Variants in MYO1D observed in about 807,000 individuals in gnomAD.
MYO1D encodes the protein unconventional myosin-Id.
In MYO1D, 83 loss-of-function variants were observed where a neutral mutation model predicts 122.0. The ratio of observed to expected loss-of-function variants is 0.68; its 90% CI spans 0.57 to 0.82. MYO1D has a LOEUF of 0.82. Among genes scored for constraint, MYO1D ranks in the 40% least tolerant of loss-of-function variants. The probability of loss-of-function intolerance (pLI) is 0.00; values close to 1 mark genes in which losing one functional copy is unlikely to be tolerated. For synonymous variants in MYO1D, 464 were observed against 446.9 expected (o/e 1.04, Z -0.48); for missense variants, 1,157 against 1,269.5 (o/e 0.91, Z 1.35).
rs150948881 is a variant in MYO1D, at chr17:32,818,546, G to T, written c.96-37762C>A. Among the ~76,000 whole-genome samples, 73 of 152,334 alleles carry T rather than the reference G, an allele frequency of 4.8e-4. 1 individual carries two copies. The highest frequency in any genetic ancestry group is 1.7e-3 in the African/African-American group (72 of 41,580). On this transcript the variant is annotated intron_variant, in intron 1 of 21. Transcript: ENST00000318217. ...CCCATTCTTCTTTTCTAGAAGAGCT[G>T]CTGAGAGAGAGACCAATGGGGGAAA... is the stretch of plus-strand genomic sequence containing the variant.
intron 21 of MYO1D, chr17:32,529,176 T>A (rs911704789): frequency 1.3e-4 from 20 of 152,296 alleles, no homozygotes; most frequent in Admixed American, 1.2e-3. Flanking sequence ...ACCCCTCACT[T>A]GGATCTGAAT....
chr17:32,540,229 C>G (rs1910793411), intron 21 of MYO1D, among the ~76,000 whole-genome samples: 1 of 148,068 alleles, frequency 6.8e-6, no homozygotes, highest in Non-Finnish European at 1.5e-5. Context: ...ACTCGGGAGG[C>G]TGAGGCAGGA....
chr17:32,644,774 T>C (rs909285565), intron 19 of MYO1D, among the ~76,000 whole-genome samples: 2 of 152,216 alleles, frequency 1.3e-5, no homozygotes, highest in Non-Finnish European at 2.9e-5. Flanking sequence ...TTGGTAGATC[T>C]TCCTCCATCC....
At chr17:32,653,779 T>TTAAG in intron 19 of MYO1D, 64 bp downstream of exon 19, 1 of 1,392,460 alleles carries the variant, frequency 7.2e-7, no homozygotes, top group Non-Finnish European at 1.0e-6. Context: ...ACAGGCTTGC[T>TTAAG]TAAGTGAGTT....
At chr17:32,560,064 G>A (rs2150889375) in intron 21 of MYO1D, among the ~76,000 whole-genome samples, 1 of 152,274 alleles carries the variant, frequency 6.6e-6, no homozygotes, top group South Asian at 2.1e-4. Context: ...AGACCAGCCT[G>A]ACCAACATGG....
chr17:32,689,071 T>G (rs551155453), intron 16 of MYO1D, among the ~76,000 whole-genome samples: 1 of 152,190 alleles, frequency 6.6e-6, no homozygotes, highest in Non-Finnish European at 1.5e-5. Context: ...TATTATTCTC[T>G]TCTTTAAATT....
At chr17:32,510,893 T>C (rs1249852885) in intron 21 of MYO1D, 1 of 149,894 alleles carries the variant, frequency 6.7e-6, no homozygotes, top group African/African-American at 2.5e-5. Context: ...CCAGGCATAA[T>C]GAAACCTTTC....
intron 1 of MYO1D, among the ~76,000 whole-genome samples, chr17:32,819,713 C>T (rs922497679): frequency 3.3e-5 from 5 of 152,126 alleles, no homozygotes; most frequent in Non-Finnish European, 7.3e-5. Flanking sequence ...CAAATTCCTA[C>T]CAGAATAATA....
Position 32,653,859 on chromosome 17 carries a change from G to C in MYO1D, c.2579C>G (p.Ser860Cys). The C allele has an allele frequency of 6.2e-7, 1 of 1,613,646 alleles. No individual in the cohort carries two copies. Among genetic ancestry groups the C allele is most frequent in the Non-Finnish European group, 8.5e-7 (1 of 1,179,716 alleles). The part of the protein sequence containing the change: ...RKDKYMNVLF[S>C]CHVRKVNRFS... The stretch of plus-strand genomic sequence containing the variant: ...TTGCCTTACCTTACGGACGTGACAG[G>C]AAAAGAGGACATTCATGTATTTGTC... The change falls in exon 19 of 22, where the codon TCC becomes TGC. Residue 860 changes from serine to cysteine, a missense_variant. Physicochemically the swap from Ser to Cys is moderately radical, Grantham distance 112. Coordinates refer to ENST00000318217, the MANE Select transcript of MYO1D (RefSeq NM_015194.3).
At chr17:32,767,562 A>G in intron 7 of MYO1D, 74 bp downstream of exon 7, 1 of 1,063,716 alleles carries the variant, frequency 9.4e-7, no homozygotes, top group South Asian at 1.8e-5. Flanking sequence ...TCTACAGGGA[A>G]AAAACAAAAT....
rs187062599 is a variant in MYO1D, at chr17:32,525,831, G to T, written c.2865-30916C>A. ...TTCAGTGACAATAGCTAACATGGAGGAGAGGCAGGGTCACTCAGCCCGAGG... is the reference window on the plus strand; with the variant it reads ...TTCAGTGACAATAGCTAACATGGAGTAGAGGCAGGGTCACTCAGCCCGAGG... On this transcript the variant is annotated intron_variant, in intron 21 of 21. Transcript: ENST00000318217. Among the ~76,000 whole-genome samples the T allele has an allele frequency of 6.6e-5, 10 of 152,248 alleles. No homozygotes were observed. In the South Asian group the frequency reaches 2.1e-3, roughly 32 times the overall value.
At chr17:32,589,862 G>T (rs1016199668) in intron 21 of MYO1D, among the ~76,000 whole-genome samples, 6 of 152,166 alleles carry the variant, frequency 3.9e-5, no homozygotes, top group African/African-American at 1.4e-4. Context: ...GAGGATTTTT[G>T]ATTTCTGGTT....
intron 13 of MYO1D, among the ~76,000 whole-genome samples, chr17:32,739,641 T>C (rs545788989): frequency 1.3e-5 from 2 of 151,444 alleles, no homozygotes; most frequent in East Asian, 3.9e-4. Context: ...AAAAGTATAA[T>C]AAAAAAAAAT....
intron 20 of MYO1D, among the ~76,000 whole-genome samples, chr17:32,613,316 T>C (rs1188313709): frequency 1.3e-5 from 2 of 152,136 alleles, no homozygotes; most frequent in African/African-American, 4.8e-5. Context: ...TAGCAAAACC[T>C]GCTGAATCTC....
intron 19 of MYO1D, among the ~76,000 whole-genome samples, chr17:32,643,909 T>C (rs1159489351): frequency 6.6e-6 from 1 of 152,214 alleles, no homozygotes; most frequent in Non-Finnish European, 1.5e-5. Context: ...GTTTTTTGTG[T>C]CTCCATCTCC....
In MYO1D at chr17:32,770,728, G is replaced by A. The variant is rs1296551318; in HGVS notation, c.714+397C>T. Among the ~76,000 whole-genome samples, 3 of 152,288 alleles carry A rather than the reference G, an allele frequency of 2.0e-5. No individual in the cohort carries two copies. In the East Asian group the frequency reaches 5.8e-4, roughly 29 times the overall value. ...TCAACATTTGAACAAACAGTGAGTG[G>A]AGAATCAAAGTGCATTTTAATTTTG... is the stretch of plus-strand genomic sequence containing the variant. On this transcript the variant is annotated intron_variant, in intron 6 of 21. Coordinates refer to ENST00000318217, the MANE Select transcript of MYO1D (RefSeq NM_015194.3).
At position 32,872,975 on chromosome 17, in the gene MYO1D, C is replaced by A. The variant is rs557243022; in HGVS notation, c.95+3803G>T. ...CCTCCCAAAGTGCTGGGATTACAGG[C>A]GTGAGCCACCGCGCCCGGCCTAGGT... On this transcript the variant is annotated intron_variant, in intron 1 of 21. Transcript: ENST00000318217. Among the ~76,000 whole-genome samples, 15 of 152,242 alleles carry A rather than the reference C, an allele frequency of 9.9e-5. No individual in the cohort carries two copies. In the South Asian group the frequency reaches 3.1e-3, roughly 32 times the overall value.
At chr17:32,561,533 CAA>C (rs1183358838) in intron 21 of MYO1D, among the ~76,000 whole-genome samples, 2 of 150,584 alleles carry the variant, frequency 1.3e-5, no homozygotes, top group African/African-American at 4.9e-5. Flanking sequence ...ACTAAAAATA[CAA>C]AAAAATTAGC....
chr17:32,781,292 CTCTAAAT>C (rs1241282142), intron 1 of MYO1D, among the ~76,000 whole-genome samples: 1 of 152,130 alleles, frequency 6.6e-6, no homozygotes, highest in Non-Finnish European at 1.5e-5. Flanking sequence ...GACACTTCTG[CTCTAAAT>C]CAAACTTATT....
Sources: gnomAD v4.1 joint callset for allele counts (sites outside exome capture counted in the v4.1 genomes callset) on GRCh38, gnomAD v4.1.1 for gene constraint, MANE v1.5 for transcripts, NCBI Gene and HGNC (gene_info 2026-07-23, HGNC 2026-07-21) for gene names.